PCNX2: variants seen among roughly 807,000 people sequenced by gnomAD.
The protein encoded by PCNX2 is pecanex 2, also known as pecanex-like protein 2.
In PCNX2, 168 loss-of-function variants were observed where a neutral mutation model predicts 223.8. The observed-to-expected ratio is 0.75, with a 90% CI of 0.66 to 0.85. The LOEUF (loss-of-function observed/expected upper bound fraction) is 0.85. Ranked by LOEUF, PCNX2 falls within the 40% of genes least tolerant of loss-of-function variation. PCNX2 has a pLI of 0.00. For synonymous variants in PCNX2, 1,006 were observed against 1,052.6 expected, an observed-to-expected ratio of 0.96 and a Z score of 0.86; for missense variants, 2,507 against 2,675.5, an observed-to-expected ratio of 0.94 and a Z score of 1.39.
intron 21 of PCNX2, among the ~76,000 whole-genome samples, chr1:233,117,530 G>T (rs981112408): frequency 6.6e-5 from 10 of 150,654 alleles, no homozygotes; most frequent in African/African-American, 2.4e-4. Flanking sequence ...GAACCCGGGA[G>T]GCGGAGCTTG....
chr1:233,090,832 G>A (rs1009311534), intron 22 of PCNX2, among the ~76,000 whole-genome samples: 3 of 152,278 alleles, frequency 2.0e-5, no homozygotes, highest in South Asian at 2.1e-4. Flanking sequence ...AGTTTCTCAC[G>A]TACTGGCATG....
intron 21 of PCNX2, among the ~76,000 whole-genome samples, chr1:233,115,701 T>G (rs1675368454): frequency 6.6e-6 from 1 of 152,094 alleles, no homozygotes; most frequent in African/African-American, 2.4e-5. Flanking sequence ...AGGAGATGTA[T>G]GAGAGTTCTA....
chr1:233,067,985 A>T (rs768101369), intron 23 of PCNX2, among the ~76,000 whole-genome samples: 1 of 152,194 alleles, frequency 6.6e-6, no homozygotes, highest in Non-Finnish European at 1.5e-5. Flanking sequence ...GAGAAGTTGG[A>T]AGTAAAGTTG....
chr1:233,122,892 C>A (rs1041449096), intron 21 of PCNX2, among the ~76,000 whole-genome samples: 5 of 152,168 alleles, frequency 3.3e-5, no homozygotes, highest in Admixed American at 3.3e-4. Context: ...AAACACATAA[C>A]CCTAATATAA....
At chr1:233,038,920 G>T (rs1394818564) in intron 25 of PCNX2, among the ~76,000 whole-genome samples, 6 of 152,118 alleles carry the variant, frequency 3.9e-5, no homozygotes, top group South Asian at 2.1e-4. Context: ...CCTATTTTTT[G>T]ATATTTTCCA....
intron 9 of PCNX2, among the ~76,000 whole-genome samples, chr1:233,230,561 A>C (rs1658003516): frequency 6.6e-6 from 1 of 152,178 alleles, no homozygotes; most frequent in Non-Finnish European, 1.5e-5. Flanking sequence ...CCACTGCAGA[A>C]CTCTCCAAGA....
chr1:233,236,608 G>T (rs1307410610), intron 9 of PCNX2, among the ~76,000 whole-genome samples: 1 of 152,164 alleles, frequency 6.6e-6, no homozygotes, highest in Non-Finnish European at 1.5e-5. Flanking sequence ...TAATGCATTT[G>T]AAAAGCAACA....
intron 12 of PCNX2, among the ~76,000 whole-genome samples, chr1:233,214,917 T>C (rs1274708783): frequency 6.6e-6 from 1 of 152,216 alleles, no homozygotes; most frequent in African/African-American, 2.4e-5. Context: ...TTTCGCTATC[T>C]TCTGATTTTA....
Position 233,295,194 on chromosome 1 carries a change from GC to G in PCNX2, c.153+131del. 1.5e-6 allele frequency: 2 copies of G among 1,292,000 alleles called. No individual in the cohort carries two copies. The highest frequency in any genetic ancestry group is 2.1e-6 in the Non-Finnish European group (2 of 939,884). The allele number at this position is 1,292,000 out of a possible 1,614,324, so 80.0% of individuals were successfully genotyped here. A position where few individuals can be genotyped will look rare whatever the true frequency, so the allele number is the denominator to read the frequency against. ...ATGTTCTCTGTCCCAAATTTCTGAA[GC>G]CCCTCCCTTTCCGTCTCTTAAGAAT... is the stretch of plus-strand genomic sequence containing the variant. On this transcript the variant is annotated intron_variant, in intron 1 of 33. Transcript: ENST00000258229. The surrounding 1 kb of genome is among the most constrained non-coding windows in gnomAD (Gnocchi z 4.1).
At chr1:233,303,350 C>CA in the PCNX2 span, among the ~76,000 whole-genome samples, 2 of 151,838 alleles carry the variant, frequency 1.3e-5, no homozygotes, top group South Asian at 2.1e-4. Context: ...CCTGTCTTTA[C>CA]AAAAAAATAC....
At chr1:233,081,988 G>A (rs1003600545) in intron 23 of PCNX2, among the ~76,000 whole-genome samples, 2 of 133,544 alleles carry the variant, frequency 1.5e-5, no homozygotes, top group African/African-American at 6.9e-5. Flanking sequence ...GGCATTCTGT[G>A]TGTGTTTGTG....
intron 25 of PCNX2, chr1:233,033,304 G>T: frequency 1.5e-6 from 1 of 689,632 alleles, no homozygotes; most frequent in Non-Finnish European, 1.8e-6. Context: ...GAAAGCAAAT[G>T]AAGAAATTTA....
intron 23 of PCNX2, 68 bp downstream of exon 23, chr1:233,089,993 G>A: frequency 6.2e-7 from 1 of 1,603,150 alleles, no homozygotes; most frequent in African/African-American, 1.3e-5. Flanking sequence ...CCTAACAGAG[G>A]AAGGCAGAGG....
At chr1:233,169,827 G>A (rs891862740) in intron 17 of PCNX2, among the ~76,000 whole-genome samples, 3 of 151,674 alleles carry the variant, frequency 2.0e-5, no homozygotes, top group Non-Finnish European at 4.4e-5. Context: ...CTCGCCTTCT[G>A]GAGGTTCCCA....
At chr1:233,098,841 T>C (rs1474455703) in intron 21 of PCNX2, among the ~76,000 whole-genome samples, 2 of 152,346 alleles carry the variant, frequency 1.3e-5, no homozygotes, top group Non-Finnish European at 2.9e-5. Context: ...AAAATGGCGA[T>C]GATAATATTA....
chr1:233,185,084 AACACACACAC>A (rs60719299), intron 15 of PCNX2, among the ~76,000 whole-genome samples: 22,363 of 141,702 alleles, frequency 0.16, 1,984 homozygotes, highest in South Asian at 0.23. Flanking sequence ...TACATACATA[AACACACACAC>A]ACACACACAC....
Position 233,000,418 on chromosome 1 carries a change from C to A in PCNX2, c.5215G>T (p.Val1739Leu). The A allele has an allele frequency of 6.2e-7, 1 of 1,606,466 alleles. No individual in the cohort carries two copies. The highest frequency in any genetic ancestry group is 1.7e-4 in the Middle Eastern group (1 of 6,020). Residue 1739 changes from valine to leucine, a missense_variant, in exon 30 of 34, where the codon GTG becomes TTG. Val to Leu is a conservative substitution (Grantham distance 32). Coordinates refer to ENST00000258229, the MANE Select transcript of PCNX2 (RefSeq NM_014801.4). This position sits in a 1 kb window ranked among gnomAD's most constrained non-coding sequence, Gnocchi z 4.6. ...HEGDPAWRGA[V>L]LSNKEELLTL... is the part of the protein sequence containing the mutation. The stretch of plus-strand genomic sequence containing the variant: ...AGCAGCTCTTCCTTGTTGGACAGCA[C>A]TGCGCCCCGCCAGGCCGGGTCGCCC...
At chr1:233,208,481 C>G (rs1321244470) in intron 13 of PCNX2, 37 bp downstream of exon 13, 1 of 1,574,050 alleles carries the variant, frequency 6.4e-7, no homozygotes, top group African/African-American at 1.3e-5. Context: ...TACCCCCAAC[C>G]CCCATATTCT....
At position 233,258,248 on chromosome 1, in the gene PCNX2, A is replaced by G. The variant is rs147287858; in HGVS notation, c.1614T>C (p.Asp538=). The G allele has an allele frequency of 8.5e-3, 13,652 of 1,614,014 alleles. 77 individuals are homozygous for G. The highest frequency in any genetic ancestry group is 9.8e-3 in the Non-Finnish European group (11,554 of 1,179,886). ...CTGCAGAACTTTTACTCAAGAAGAC[A>G]TCTGTCCCACTGTCCACACTGAGCA... ...ARVLSVDSGT[D]VFLSKSSAEI... Residue 538 remains aspartate, a synonymous_variant, in exon 5 of 34, where the codon GAT becomes GAC. Transcript: ENST00000258229.
Sources: allele counts gnomAD v4.1 joint callset (sites outside exome capture counted in the v4.1 genomes callset), GRCh38; gene constraint gnomAD v4.1.1; non-coding constraint Gnocchi (gnomAD v3.1); transcripts MANE v1.5; gene names NCBI Gene and HGNC (gene_info 2026-07-23, HGNC 2026-07-21).